Variants in MX2 observed in about 807,000 individuals in gnomAD.
The protein encoded by MX2 is MX dynamin like GTPase 2, also known as interferon-induced GTP-binding protein Mx2.
Under a neutral mutation model 74.0 loss-of-function variants are expected in MX2, and 51 were observed. That is an observed-to-expected ratio of 0.69 (90% confidence interval 0.55 to 0.87). The LOEUF is 0.87. Ranked by LOEUF, MX2 falls within the 40% of genes least tolerant of loss-of-function variation. MX2 has a pLI of 0.00. For missense variants in MX2, 832 were observed against 908.7 expected (o/e 0.92, Z 1.09); for synonymous variants, 369 against 339.3 (o/e 1.09, Z -0.96).
At chr21:41,389,074 T>G (rs2089620682) in intron 5 of MX2, among the ~76,000 whole-genome samples, 1 of 152,036 alleles carries the variant, frequency 6.6e-6, no homozygotes, top group African/African-American at 2.4e-5. Context: ...GCCCCATGGG[T>G]GTAGCAAAGG....
Position 41,408,869 on chromosome 21 carries a change from T to C in MX2, c.*636T>C, listed in dbSNP as rs1473103839. On this transcript the variant is annotated 3_prime_UTR_variant, in exon 14 of 14. Coordinates refer to ENST00000330714, the MANE Select transcript of MX2 (RefSeq NM_002463.2). ...TTCTCTTTTCTTCTTGTTTCCCTGA[T>C]TATGATGAGCTTCCATTGTTCTGTT... is the stretch of plus-strand genomic sequence containing the variant. 6.6e-6 allele frequency: 1 copy of C among 152,314 alleles called. No homozygotes were observed. The highest frequency in any genetic ancestry group is 1.5e-5 in the Non-Finnish European group (1 of 68,120). The allele number at this position is 152,314 out of a possible 1,614,324, so 9.4% of individuals were successfully genotyped here. A position where few individuals can be genotyped will look rare whatever the true frequency, so the allele number is the denominator to read the frequency against.
chr21:41,392,880 G>T (rs547302138), intron 6 of MX2, among the ~76,000 whole-genome samples: 1 of 151,982 alleles, frequency 6.6e-6, no homozygotes, highest in Non-Finnish European at 1.5e-5. Flanking sequence ...CAAGGCGGGC[G>T]GATCACCTGA....
At chr21:41,406,519 G>C (rs930920438) in intron 12 of MX2, among the ~76,000 whole-genome samples, 1 of 152,202 alleles carries the variant, frequency 6.6e-6, no homozygotes, top group Non-Finnish European at 1.5e-5. Flanking sequence ...AGGAAGAAAG[G>C]GCAGGAGAGA....
At chr21:41,393,998 G>A (rs757306637) in intron 6 of MX2, among the ~76,000 whole-genome samples, 1 of 152,114 alleles carries the variant, frequency 6.6e-6, no homozygotes, top group Admixed American at 6.6e-5. Flanking sequence ...CAAAACGGGT[G>A]CCAAATCCAT....
chr21:41,391,772 A>G (rs1471823488), intron 6 of MX2, among the ~76,000 whole-genome samples: 3 of 147,872 alleles, frequency 2.0e-5, no homozygotes, highest in African/African-American at 7.8e-5. Context: ...TGTAAAATAA[A>G]TGCACATTTT....
Position 41,388,450 on chromosome 21 carries a change from G to A in MX2, c.733-2115G>A, listed in dbSNP as rs1278789683. On this transcript the variant is annotated intron_variant, in intron 5 of 13. Coordinates refer to ENST00000330714, the MANE Select transcript of MX2 (RefSeq NM_002463.2). The surrounding 1 kb of genome is among the most constrained non-coding windows in gnomAD (Gnocchi z 4.0). ...CAGAGGGCATCCTTCATTCCTCGCG[G>A]GTTTCTGCTGCAAGGCTGCCCTACC... Among the ~76,000 whole-genome samples the A allele has an allele frequency of 1.3e-5, 2 of 152,160 alleles. No homozygotes were observed. The highest frequency in any genetic ancestry group is 4.8e-5 in the African/African-American group (2 of 41,416).
chr21:41,396,756 A>C (rs1298524221), intron 7 of MX2, among the ~76,000 whole-genome samples: 1 of 152,194 alleles, frequency 6.6e-6, no homozygotes, highest in Non-Finnish European at 1.5e-5. Flanking sequence ...ACTGGAGGAC[A>C]TGAGGAGAAG....
chr21:41,369,499 G>C (rs1326404423), intron 1 of MX2, among the ~76,000 whole-genome samples: 2 of 152,308 alleles, frequency 1.3e-5, no homozygotes, highest in South Asian at 4.1e-4. Flanking sequence ...TGGGGATGAG[G>C]CTGGCCGGGG....
At chr21:41,375,242 C>T (rs1451858423) in intron 1 of MX2, among the ~76,000 whole-genome samples, 1 of 152,234 alleles carries the variant, frequency 6.6e-6, no homozygotes, top group African/African-American at 2.4e-5. Context: ...TTTGTTTTGG[C>T]ATTTCCCTGC....
intron 1 of MX2, among the ~76,000 whole-genome samples, 154 bp from the exon 2 acceptor site, chr21:41,376,682 C>G (rs1247590235): frequency 6.6e-6 from 1 of 152,208 alleles, no homozygotes; most frequent in Non-Finnish European, 1.5e-5. Context: ...AAGAGCCCCT[C>G]CTGCAGACAG....
chr21:41,399,567 T>C (rs567547056), intron 10 of MX2: 65 of 406,448 alleles, frequency 1.6e-4, no homozygotes, highest in Non-Finnish European at 2.9e-4. Flanking sequence ...CGTGTCTTGA[T>C]TTTGTTTTGT....
rs2089410706 is a variant in MX2, at chr21:41,376,921, C to G, written c.15C>G (p.His5Gln). 6.2e-7 allele frequency: 1 copy of G among 1,613,956 alleles called. No homozygotes were observed. Residue 5 changes from histidine to glutamine, a missense_variant, in exon 2 of 14, where the codon CAC becomes CAG. Coordinates refer to ENST00000330714, the MANE Select transcript of MX2 (RefSeq NM_002463.2). ...GGAGACAGCACATGTCTAAGGCCCA[C>G]AAGCCTTGGCCCTACCGGAGGAGAA... MSKAHKPWPYRRRSQ... is the reference protein window; with the variant it reads MSKAQKPWPYRRRSQ...
intron 1 of MX2, among the ~76,000 whole-genome samples, chr21:41,373,161 C>T (rs1176738217): frequency 1.3e-5 from 2 of 152,156 alleles, no homozygotes; most frequent in Non-Finnish European, 2.9e-5. Flanking sequence ...TGTCTCCCGG[C>T]TGGGTGTCCA....
In MX2 at chr21:41,380,671, C is replaced by A. The variant is rs1289061392; in HGVS notation, c.577+520C>A. The stretch of plus-strand genomic sequence containing the variant: ...TGGCCACCTTTCCTCCCAGCACCCC[C>A]TCCAAATGCAGACCCCTCTCACCCA... On this transcript the variant is annotated intron_variant, in intron 4 of 13. Coordinates refer to ENST00000330714, the MANE Select transcript of MX2 (RefSeq NM_002463.2). The surrounding 1 kb of genome is among the most constrained non-coding windows in gnomAD (Gnocchi z 4.3). Among the ~76,000 whole-genome samples, 1 of 152,204 alleles carries A rather than the reference C, an allele frequency of 6.6e-6. No individual in the cohort carries two copies. The highest frequency in any genetic ancestry group is 1.5e-5 in the Non-Finnish European group (1 of 68,022).
intron 2 of MX2, 138 bp downstream of exon 2, chr21:41,377,293 A>T: frequency 1.6e-6 from 2 of 1,253,772 alleles, no homozygotes; most frequent in African/African-American, 3.0e-5. Flanking sequence ...TCTCCTGGTC[A>T]TGCCCAACAA....
At chr21:41,377,255 C>A in intron 2 of MX2, 100 bp downstream of exon 2, 2 of 1,502,164 alleles carry the variant, frequency 1.3e-6, no homozygotes, top group South Asian at 1.2e-5. Flanking sequence ...AGCCAGTCTG[C>A]TCCTCCAGCA....
rs895715563 is a variant in MX2 at position 41,388,703 on chromosome 21, C to T, written c.733-1862C>T. Among the ~76,000 whole-genome samples, 1 of 152,238 alleles carries T rather than the reference C, an allele frequency of 6.6e-6. No individual in the cohort carries two copies. The highest frequency in any genetic ancestry group is 2.4e-5 in the African/African-American group (1 of 41,466). The stretch of plus-strand genomic sequence containing the variant: ...ATAACGTGCTCTTTATGGTCACCCC[C>T]TCTCCAGGCAAACTGTTCCGGGGAG... On this transcript the variant is annotated intron_variant, in intron 5 of 13. Transcript: ENST00000330714. This position sits in a 1 kb window ranked among gnomAD's most constrained non-coding sequence, Gnocchi z 4.0.
chr21:41,396,263 CCA>C (rs1601425157), intron 7 of MX2, among the ~76,000 whole-genome samples: 1 of 152,158 alleles, frequency 6.6e-6, no homozygotes, highest in Admixed American at 6.5e-5. Context: ...CCTCCAGTGC[CCA>C]CAGTCATTTG....
intron 1 of MX2, 76 bp from the exon 2 acceptor site, chr21:41,376,760 A>T: frequency 3.6e-6 from 4 of 1,120,734 alleles, no homozygotes; most frequent in Non-Finnish European, 5.1e-6. Flanking sequence ...TGGGGTGAGG[A>T]GGGGTTGGCA....
Sources: gnomAD v4.1 joint callset for allele counts (sites outside exome capture counted in the v4.1 genomes callset) on GRCh38, gnomAD v4.1.1 for gene constraint, Gnocchi (gnomAD v3.1) non-coding constraint, MANE v1.5 for transcripts, NCBI Gene and HGNC (gene_info 2026-07-23, HGNC 2026-07-21) for gene names.